Variants in KDM2B observed in about 807,000 individuals in gnomAD.
KDM2B encodes the protein lysine-specific demethylase 2B.
In KDM2B, 26 loss-of-function variants were observed where a neutral mutation model predicts 150.0. The ratio of observed to expected loss-of-function variants is 0.17; its 90% CI spans 0.13 to 0.24. KDM2B has a LOEUF of 0.24. KDM2B is among the 10% of genes least tolerant of loss of function. The pLI is 1.00. For missense variants in KDM2B, 1,265 were observed against 1,816.9 expected (o/e 0.70, Z 5.52); for synonymous variants, 734 against 729.5 (o/e 1.01, Z -0.10).
chr12:121,523,649 C>G (rs957600529), intron 8 of KDM2B, among the ~76,000 whole-genome samples: 18 of 152,240 alleles, frequency 1.2e-4, no homozygotes, highest in Non-Finnish European at 1.9e-4. Context: ...GCAGTGGACA[C>G]TCAGCCGCTG....
intron 11 of KDM2B, among the ~76,000 whole-genome samples, chr12:121,499,930 C>A (rs2140495180): frequency 6.6e-6 from 1 of 150,768 alleles, no homozygotes; most frequent in South Asian, 2.1e-4. Context: ...GCCTGGGTGA[C>A]AGAATGGGAC....
chr12:121,496,964 C>T (rs1441146855), intron 11 of KDM2B, among the ~76,000 whole-genome samples: 1 of 151,886 alleles, frequency 6.6e-6, no homozygotes, highest in East Asian at 1.9e-4. Flanking sequence ...AGGTGTGAGC[C>T]ACTGCACGCC....
At chr12:121,580,698 A>G (rs1188355315) in intron 1 of KDM2B, 88 bp downstream of exon 1, 4 of 1,118,420 alleles carry the variant, frequency 3.6e-6, no homozygotes, top group Non-Finnish European at 3.6e-6. Flanking sequence ...TGGCACCCCC[A>G]AAAACGACCC....
Position 121,513,285 on chromosome 12 carries a change from T to C in KDM2B, c.1165A>G (p.Met389Val). The C allele has an allele frequency of 6.2e-7, 1 of 1,613,230 alleles. No homozygotes were observed. The highest frequency in any genetic ancestry group is 8.5e-7 in the Non-Finnish European group (1 of 1,179,732). Residue 389 changes from methionine to valine, a missense_variant, in exon 10 of 23, where the codon ATG (methionine) becomes GTG (valine). Physicochemically the swap from Met to Val is conservative, Grantham distance 21. Coordinates refer to ENST00000377071, the MANE Select transcript of KDM2B (RefSeq NM_032590.5). The surrounding 1 kb of genome is among the most constrained non-coding windows in gnomAD (Gnocchi z 5.0). ...CCTCCGGTTCACTCACCAATAAGCA[T>C]CGACTCCCTCTGGTATTCCTGAGTG... is the stretch of plus-strand genomic sequence containing the variant. ...HLTQEYQRES[M>V]LIDAPRKPSI...
At chr12:121,461,615 G>A (rs1470487069) in intron 12 of KDM2B, among the ~76,000 whole-genome samples, 1 of 152,100 alleles carries the variant, frequency 6.6e-6, no homozygotes, top group Admixed American at 6.6e-5. Context: ...TGAGGTTTCC[G>A]ACTTGAGCAA....
chr12:121,547,811 T>C (rs1216169626), intron 6 of KDM2B, among the ~76,000 whole-genome samples: 1 of 151,802 alleles, frequency 6.6e-6, no homozygotes, highest in Non-Finnish European at 1.5e-5. Context: ...CCGGGTCAAT[T>C]TTTGTATTTT....
In KDM2B at chr12:121,430,612, A is replaced by G. The variant is rs1872840116; in HGVS notation, c.3830-143T>C. 1.6e-6 allele frequency: 1 copy of G among 639,118 alleles called. No individual in the cohort carries two copies. Among genetic ancestry groups the G allele is most frequent in the African/African-American group, 1.8e-5 (1 of 54,926 alleles). The allele number at this position is 639,118 out of a possible 1,614,324, so 39.6% of individuals were successfully genotyped here. A position where few individuals can be genotyped will look rare whatever the true frequency, so the allele number is the denominator to read the frequency against. ...GCTGTGCTGCACTAAATAAAATGTT[A>G]TTTGCTTAAAATCTCTCTTCTTCAA... is the stretch of plus-strand genomic sequence containing the variant. On this transcript the variant is annotated intron_variant, in intron 22 of 22. Coordinates refer to ENST00000377071, the MANE Select transcript of KDM2B (RefSeq NM_032590.5). This position sits in a 1 kb window ranked among gnomAD's most constrained non-coding sequence, Gnocchi z 4.4.
intron 4 of KDM2B, among the ~76,000 whole-genome samples, chr12:121,572,611 T>C (rs1555316150): frequency 6.6e-6 from 1 of 152,156 alleles, no homozygotes; most frequent in Non-Finnish European, 1.5e-5. Flanking sequence ...CATTATTCTG[T>C]TTATTTTTAC....
chr12:121,484,898 G>A (rs1555298577), intron 12 of KDM2B, among the ~76,000 whole-genome samples: 1 of 152,088 alleles, frequency 6.6e-6, no homozygotes, highest in Non-Finnish European at 1.5e-5. Flanking sequence ...ACAAGGGTTG[G>A]GGGCTGACTG....
intron 8 of KDM2B, chr12:121,524,654 C>T (rs1287902002): frequency 5.8e-5 from 26 of 448,938 alleles, no homozygotes; most frequent in Admixed American, 4.8e-4. Flanking sequence ...GAAATAACAG[C>T]GTTTGTGGGC....
chr12:121,440,139 A>G (rs1348741330), intron 21 of KDM2B, 64 bp from the exon 22 acceptor site: 3 of 1,278,288 alleles, frequency 2.3e-6, no homozygotes, highest in African/African-American at 2.9e-5. Context: ...TCATGCTGAC[A>G]TGACACTCTA....
In KDM2B at chr12:121,441,225, T is replaced by C; in HGVS notation, c.3293A>G (p.Asp1098Gly). 1 of 1,613,858 alleles carries C rather than the reference T, an allele frequency of 6.2e-7. No homozygotes were observed. The highest frequency in any genetic ancestry group is 8.5e-7 in the Non-Finnish European group (1 of 1,179,822). Residue 1098 changes from aspartate (D) to glycine (G), a missense_variant, in exon 20 of 23, where the codon GAT becomes GGT. Asp to Gly is a moderately conservative substitution (Grantham distance 94). Transcript: ENST00000377071. ...VCRTWNRWCC[D>G]KRLWTRIDLN... is the part of the protein sequence containing the mutation. ...GTCAATGCGGGTCCACAACCGCTTATCGCAGCACCTGGGGACCGGCCCCGT... is the reference window on the plus strand; with the variant it reads ...GTCAATGCGGGTCCACAACCGCTTACCGCAGCACCTGGGGACCGGCCCCGT...
intron 12 of KDM2B, among the ~76,000 whole-genome samples, chr12:121,480,866 GA>G (rs1304308173): frequency 6.7e-6 from 1 of 149,968 alleles, no homozygotes; most frequent in East Asian, 1.9e-4. Context: ...CACTAGCAAA[GA>G]AAAAAGAGAA....
the KDM2B span, among the ~76,000 whole-genome samples, chr12:121,417,321 C>T: frequency 6.6e-6 from 1 of 152,172 alleles, no homozygotes; most frequent in Non-Finnish European, 1.5e-5. This position sits in a 1 kb window ranked among gnomAD's most constrained non-coding sequence, Gnocchi z 5.0. Flanking sequence ...ATCCAGACTG[C>T]CTTGGCAATG....
At chr12:121,408,965 C>CA in the KDM2B span, among the ~76,000 whole-genome samples, 16 of 151,982 alleles carry the variant, frequency 1.1e-4, no homozygotes, top group Non-Finnish European at 2.4e-4. Context: ...GTTAAAAACT[C>CA]AGGTGACCCT....
chr12:121,518,946 G>A lies in KDM2B; in HGVS notation c.1047+2039C>T, dbSNP rs1555305471. Among the ~76,000 whole-genome samples, 1 of 152,202 alleles carries A rather than the reference G, an allele frequency of 6.6e-6. No individual in the cohort carries two copies. The highest frequency in any genetic ancestry group is 2.4e-5 in the African/African-American group (1 of 41,446). On this transcript the variant is annotated intron_variant, in intron 9 of 22. Coordinates refer to ENST00000377071, the MANE Select transcript of KDM2B (RefSeq NM_032590.5). This position sits in a 1 kb window ranked among gnomAD's most constrained non-coding sequence, Gnocchi z 4.4. ...CCAAACAGTGCCTTTCTCCTGAATG[G>A]CATGGGGCGGCTCCTCCAGACCAGG... is the stretch of plus-strand genomic sequence containing the variant.
intron 17 of KDM2B, 123 bp from the exon 18 acceptor site, chr12:121,443,153 C>T (rs1172012214): frequency 1.1e-6 from 1 of 882,504 alleles, no homozygotes; most frequent in African/African-American, 1.7e-5. Context: ...AGGCCTTCCC[C>T]ACAAATGCCA....
chr12:121,559,309 A>G lies in KDM2B; in HGVS notation c.398-9671T>C, dbSNP rs556709143. ...TGCCGGGAGCTCTGAGCAGCTCCCC[A>G]GGTGTCCTGGAAGCTGGACTTCCAG... On this transcript the variant is annotated intron_variant, in intron 4 of 22. Coordinates refer to ENST00000377071, the MANE Select transcript of KDM2B (RefSeq NM_032590.5). 1.3e-3 allele frequency among the ~76,000 whole-genome samples: 177 copies of G among 140,522 alleles called. 5 individuals are homozygous for G. In the South Asian group the frequency reaches 0.043, roughly 34 times the overall value. 92.2% of individuals were successfully genotyped at this position (140,522 alleles called of 152,430 possible). A position where few individuals can be genotyped will look rare whatever the true frequency, so the allele number is the denominator to read the frequency against.
chr12:121,485,641 G>T (rs1411412478), intron 12 of KDM2B, among the ~76,000 whole-genome samples: 4 of 151,984 alleles, frequency 2.6e-5, no homozygotes, highest in African/African-American at 9.7e-5. Flanking sequence ...GGGGGTGAGT[G>T]TTAAACAGGG....
Sources: allele counts gnomAD v4.1 joint callset (sites outside exome capture counted in the v4.1 genomes callset), GRCh38; gene constraint gnomAD v4.1.1; non-coding constraint Gnocchi (gnomAD v3.1); transcripts MANE v1.5; gene names NCBI Gene and HGNC (gene_info 2026-07-23, HGNC 2026-07-21).